The following CSMD1 variants were observed in gnomAD, a reference collection of about 807,000 sequenced individuals.
The protein encoded by CSMD1 is CUB and sushi domain-containing protein 1.
CSMD1 carries 213 observed loss-of-function variants against 417.5 expected under a neutral mutation model. The ratio of observed to expected loss-of-function variants is 0.51; its 90% confidence interval spans 0.46 to 0.57. The LOEUF is 0.57. Among genes scored for constraint, CSMD1 ranks in the 20% least tolerant of loss-of-function variants. CSMD1 has a pLI of 0.00. For missense variants in CSMD1, 6,923 were observed against 4,529.7 expected, an observed-to-expected ratio of 1.53 and a Z score of -15.17; for synonymous variants, 2,862 against 1,736.8, an observed-to-expected ratio of 1.65 and a Z score of -16.11.
intron 3 of CSMD1, among the ~76,000 whole-genome samples, chr8:4,373,538 C>G (rs1802529075): frequency 6.6e-6 from 1 of 152,212 alleles, no homozygotes; most frequent in Admixed American, 6.5e-5. Flanking sequence ...TTATTCCTCT[C>G]ACTTCTATTA....
chr8:4,491,261 A>G (rs758068928), intron 2 of CSMD1, among the ~76,000 whole-genome samples: 13 of 152,176 alleles, frequency 8.5e-5, no homozygotes, highest in Non-Finnish European at 1.6e-4. Context: ...GAATTTAGAG[A>G]GACCATCACG....
intron 2 of CSMD1, among the ~76,000 whole-genome samples, chr8:4,609,357 C>G (rs894840111): frequency 6.6e-6 from 1 of 152,118 alleles, no homozygotes; most frequent in African/African-American, 2.4e-5. Flanking sequence ...GCCGAGACTG[C>G]GTGACTGCAC....
intron 1 of CSMD1, among the ~76,000 whole-genome samples, chr8:4,896,807 G>A (rs1045194193): frequency 9.9e-5 from 15 of 151,982 alleles, no homozygotes; most frequent in Non-Finnish European, 1.9e-4. Flanking sequence ...AGGGCGGGGG[G>A]AAGTGCAGGG....
intron 3 of CSMD1, among the ~76,000 whole-genome samples, chr8:4,325,314 G>T (rs1383713271): frequency 6.6e-6 from 1 of 152,170 alleles, no homozygotes; most frequent in Non-Finnish European, 1.5e-5. Flanking sequence ...AACCTAGCAA[G>T]AAACCAGTAG....
intron 7 of CSMD1, among the ~76,000 whole-genome samples, chr8:3,673,096 G>A (rs954119433): frequency 1.3e-5 from 2 of 152,152 alleles, no homozygotes; most frequent in African/African-American, 4.8e-5. Context: ...AATGCTTACT[G>A]AGTTAATAAT....
chr8:4,098,074 T>TA lies in CSMD1; in HGVS notation c.416-65976dup, dbSNP rs377179986. Among the ~76,000 whole-genome samples, 652 of 152,304 alleles carry TA rather than the reference T, an allele frequency of 4.3e-3. 5 individuals carry two copies. Among genetic ancestry groups the TA allele is most frequent in the Middle Eastern group, 0.01 (3 of 294 alleles). Reference sequence around the variant, plus strand: ...GAGAATGCTCACTTAAAGTTCTTGTTAAAATAAAATATCTCAACAACAAAG... The same window carrying TA: ...GAGAATGCTCACTTAAAGTTCTTGTTAAAAATAAAATATCTCAACAACAAAG... On this transcript the variant is annotated intron_variant, in intron 3 of 69. Transcript: ENST00000635120.
Position 4,004,969 on chromosome 8 carries a change from C to G in CSMD1, c.611-6859G>C, listed in dbSNP as rs1382281992. On this transcript the variant is annotated intron_variant, in intron 4 of 69. Coordinates refer to ENST00000635120, the MANE Select transcript of CSMD1 (RefSeq NM_033225.6). ...CCGTGTTAGCCAGGATGGTCTCAAT[C>G]TCCTGACCTCGTGATCTGCCAGCCT... Among the ~76,000 whole-genome samples the G allele has an allele frequency of 2.0e-5, 3 of 152,174 alleles. No homozygotes were observed. The South Asian group carries it at 6.2e-4, about 32-fold the overall frequency.
chr8:3,454,609 C>A (rs1815981660), intron 12 of CSMD1, among the ~76,000 whole-genome samples: 1 of 152,208 alleles, frequency 6.6e-6, no homozygotes, highest in Non-Finnish European at 1.5e-5. Context: ...TGGACTGAAA[C>A]TTGTTTTCTT....
At chr8:4,866,465 C>G (rs1267577126) in intron 1 of CSMD1, among the ~76,000 whole-genome samples, 3 of 151,650 alleles carry the variant, frequency 2.0e-5, no homozygotes, top group African/African-American at 7.3e-5. Context: ...TTGTTTTTTT[C>G]TTTAAAAAGT....
At chr8:3,880,145 C>T (rs913763061) in intron 5 of CSMD1, among the ~76,000 whole-genome samples, 1 of 152,034 alleles carries the variant, frequency 6.6e-6, no homozygotes, top group Non-Finnish European at 1.5e-5. Flanking sequence ...CTGCTAGTAC[C>T]TTCGACCATG....
rs146959530 is a variant in CSMD1 at position 3,658,580 on chromosome 8, T to A, written c.1010-41783A>T. Reference sequence around the variant, plus strand: ...GGTGGATGACTTGAGGTCAGGAGTTTGAGACCAGCTTGGCCAACATGACAA... The same window carrying A: ...GGTGGATGACTTGAGGTCAGGAGTTAGAGACCAGCTTGGCCAACATGACAA... On this transcript the variant is annotated intron_variant, in intron 7 of 69. Coordinates refer to ENST00000635120, the MANE Select transcript of CSMD1 (RefSeq NM_033225.6). Among the ~76,000 whole-genome samples, 559 of 151,722 alleles carry A rather than the reference T, an allele frequency of 3.7e-3. 5 individuals carry two copies. The highest frequency in any genetic ancestry group is 0.013 in the African/African-American group (523 of 41,416).
chr8:3,843,608 T>G (rs1302718791), intron 5 of CSMD1, among the ~76,000 whole-genome samples: 3 of 152,166 alleles, frequency 2.0e-5, no homozygotes, highest in Non-Finnish European at 1.5e-5. Flanking sequence ...ATTTGAATAT[T>G]TTAAAGAGAA....
chr8:4,032,226 T>A, intron 3 of CSMD1, 127 bp from the exon 4 acceptor site: 1 of 636,724 alleles, frequency 1.6e-6, no homozygotes, highest in Non-Finnish European at 2.6e-6. Flanking sequence ...AGAAAAATAT[T>A]AATTGTTGCT....
At chr8:4,154,551 C>CT (rs1035795977) in intron 3 of CSMD1, among the ~76,000 whole-genome samples, 1 of 152,140 alleles carries the variant, frequency 6.6e-6, no homozygotes, top group African/African-American at 2.4e-5. Flanking sequence ...GGACACTATG[C>CT]TTCTAACGCC....
rs200375072 is a variant in CSMD1, at chr8:4,485,828, C to G, written c.303-65763G>C. On this transcript the variant is annotated intron_variant, in intron 2 of 69. Coordinates refer to ENST00000635120, the MANE Select transcript of CSMD1 (RefSeq NM_033225.6). ...AGAAATGGCAAATTCCAAAATGTGG[C>G]AACATATAAACGCAAATGTCAAAAA... 3.4e-4 allele frequency among the ~76,000 whole-genome samples: 52 copies of G among 151,996 alleles called. 1 individual carries two copies. In the East Asian group the frequency reaches 8.7e-3, roughly 26 times the overall value.
At chr8:3,905,095 G>A (rs1404221104) in intron 5 of CSMD1, among the ~76,000 whole-genome samples, 1 of 152,128 alleles carries the variant, frequency 6.6e-6, no homozygotes, top group East Asian at 1.9e-4. Context: ...TGTCTGTAGG[G>A]AAACTGAGGC....
intron 7 of CSMD1, among the ~76,000 whole-genome samples, chr8:3,699,462 G>T (rs977624305): frequency 2.0e-5 from 3 of 152,182 alleles, no homozygotes; most frequent in African/African-American, 4.8e-5. Context: ...AGACATTTCA[G>T]CCACGGAGGA....
At chr8:3,715,041 C>T (rs1347202246) in intron 6 of CSMD1, among the ~76,000 whole-genome samples, 1 of 152,140 alleles carries the variant, frequency 6.6e-6, no homozygotes, top group Non-Finnish European at 1.5e-5. Flanking sequence ...CATTAATAGA[C>T]ACAATTACAT....
intron 18 of CSMD1, among the ~76,000 whole-genome samples, chr8:3,385,106 A>T (rs1810919985): frequency 1.1e-5 from 1 of 90,560 alleles, no homozygotes; most frequent in African/African-American, 4.2e-5. Flanking sequence ...ATATATATAA[A>T]TAAAAATATA....
Sources: gnomAD v4.1 joint callset for allele counts (sites outside exome capture counted in the v4.1 genomes callset) on GRCh38, gnomAD v4.1.1 for gene constraint, MANE v1.5 for transcripts, NCBI Gene and HGNC (gene_info 2026-07-23, HGNC 2026-07-21) for gene names.